Variants in FGF1 observed in about 807,000 individuals in gnomAD.
The protein encoded by FGF1 is beta-endothelial cell growth factor.
Under a neutral mutation model 13.4 loss-of-function variants are expected in FGF1, and 9 were observed. That is an observed-to-expected ratio of 0.67 (90% CI 0.40 to 1.17). The LOEUF (loss-of-function observed/expected upper bound fraction) is 1.17, where lower values mean the gene tolerates loss of function less well. FGF1 is among the 50% of genes most tolerant of loss of function. FGF1 has a pLI of 0.01. For synonymous variants in FGF1, 93 were observed against 79.0 expected (o/e 1.18, Z -0.94); for missense variants, 156 against 192.7 (o/e 0.81, Z 1.13).
chr5:142,628,112 A>G (rs566616179), intron 1 of FGF1, among the ~76,000 whole-genome samples: 9 of 152,310 alleles, frequency 5.9e-5, no homozygotes, highest in Admixed American at 2.0e-4. Context: ...AAGGGAGGAA[A>G]AGGCTTGGAG....
intron 1 of FGF1, among the ~76,000 whole-genome samples, chr5:142,654,493 G>A (rs576501775): frequency 2.0e-4 from 30 of 152,350 alleles, no homozygotes; most frequent in Non-Finnish European, 3.5e-4. Context: ...ATATCAAGCT[G>A]TGGTTATAAA....
chr5:142,639,694 T>C (rs574532477), intron 1 of FGF1, among the ~76,000 whole-genome samples: 18 of 151,884 alleles, frequency 1.2e-4, no homozygotes, highest in South Asian at 4.2e-4. Context: ...TACTTGAAGA[T>C]TGCCAAGAGG....
intron 1 of FGF1, among the ~76,000 whole-genome samples, chr5:142,632,363 G>A (rs1763510934): frequency 6.6e-6 from 1 of 152,156 alleles, no homozygotes; most frequent in Non-Finnish European, 1.5e-5. Flanking sequence ...TCTCTGCAGT[G>A]TTGTTCAAAG....
chr5:142,630,039 G>A (rs1422451699), intron 1 of FGF1, among the ~76,000 whole-genome samples: 5 of 151,760 alleles, frequency 3.3e-5, no homozygotes, highest in Admixed American at 6.6e-5. Context: ...GATTACAGGC[G>A]TCCGCCACCA....
At chr5:142,626,063 T>G (rs1283465572) in intron 1 of FGF1, among the ~76,000 whole-genome samples, 1 of 152,236 alleles carries the variant, frequency 6.6e-6, no homozygotes, top group Non-Finnish European at 1.5e-5. Context: ...CAAATAATAA[T>G]ATAATGACCC....
intron 3 of FGF1, among the ~76,000 whole-genome samples, 178 bp from the exon 4 acceptor site, chr5:142,595,662 A>C (rs1755100352): frequency 6.6e-6 from 1 of 152,232 alleles, no homozygotes; most frequent in African/African-American, 2.4e-5. Flanking sequence ...ATAAGGACTT[A>C]GAACAGCACC....
intron 1 of FGF1, among the ~76,000 whole-genome samples, chr5:142,650,764 T>C (rs1767087925): frequency 6.6e-6 from 1 of 152,076 alleles, no homozygotes; most frequent in Non-Finnish European, 1.5e-5. Context: ...GTAGTATTAA[T>C]TGATAGAAAT....
intron 2 of FGF1, among the ~76,000 whole-genome samples, chr5:142,603,839 G>T (rs1186609497): frequency 6.6e-6 from 1 of 152,064 alleles, no homozygotes; most frequent in African/African-American, 2.4e-5. Flanking sequence ...AAAATGAGGG[G>T]TATTTGCGCT....
At chr5:142,697,580 T>G (rs1346182584) in intron 2 of FGF1, 1 of 152,202 alleles carries the variant, frequency 6.6e-6, no homozygotes, top group African/African-American at 2.4e-5. Context: ...AAGCAGAAAG[T>G]CTGTAGCAAT....
At chr5:142,606,617 A>T (rs10051247) in intron 2 of FGF1, among the ~76,000 whole-genome samples, 2 of 152,136 alleles carry the variant, frequency 1.3e-5, no homozygotes, top group African/African-American at 4.8e-5. Flanking sequence ...GCGAGATTCC[A>T]TCTCAAGAAA....
intron 1 of FGF1, among the ~76,000 whole-genome samples, chr5:142,684,847 C>T (rs1052820021): frequency 6.6e-5 from 10 of 152,194 alleles, no homozygotes; most frequent in African/African-American, 2.4e-4. Flanking sequence ...TCAAGTCCTC[C>T]CACTGGGTCG....
chr5:142,604,953 G>A (rs904089669), intron 2 of FGF1, among the ~76,000 whole-genome samples: 2 of 152,288 alleles, frequency 1.3e-5, no homozygotes, highest in Admixed American at 6.5e-5. Context: ...GATCCCATCT[G>A]TAGCCATGGA....
chr5:142,607,916 T>C (rs1758041113), intron 2 of FGF1, among the ~76,000 whole-genome samples: 1 of 152,226 alleles, frequency 6.6e-6, no homozygotes, highest in Non-Finnish European at 1.5e-5. Context: ...ACCTTTTGTC[T>C]GAGGAACTAA....
At chr5:142,596,643 G>A (rs1755334855) in intron 3 of FGF1, among the ~76,000 whole-genome samples, 1 of 151,988 alleles carries the variant, frequency 6.6e-6, no homozygotes, top group Admixed American at 6.6e-5. Context: ...TACTTAGGAG[G>A]CTGAGGTAGG....
chr5:142,641,659 C>T (rs1352244710), intron 1 of FGF1, among the ~76,000 whole-genome samples: 1 of 151,928 alleles, frequency 6.6e-6, no homozygotes, highest in Non-Finnish European at 1.5e-5. Context: ...ACTTTGTTAT[C>T]TCATGATTTA....
chr5:142,686,770 G>A (rs1055986618), upstream of FGF1, among the ~76,000 whole-genome samples: 1 of 152,160 alleles, frequency 6.6e-6, no homozygotes, highest in Non-Finnish European at 1.5e-5. Context: ...TCCAGGTTGG[G>A]ACTGGCGAGG....
intron 1 of FGF1, among the ~76,000 whole-genome samples, chr5:142,669,386 C>A (rs58514007): frequency 0.075 from 11,352 of 152,238 alleles, 693 homozygotes; most frequent in African/African-American, 0.16. Context: ...GAGCTTCCTT[C>A]TCACGATTAT....
chr5:142,604,354 G>C (rs1463622651), intron 2 of FGF1, among the ~76,000 whole-genome samples: 1 of 152,104 alleles, frequency 6.6e-6, no homozygotes, highest in Non-Finnish European at 1.5e-5. Flanking sequence ...CAATTTCTCA[G>C]CATAATCCTA....
intron 1 of FGF1, among the ~76,000 whole-genome samples, chr5:142,679,503 G>C (rs1006437152): frequency 1.3e-5 from 2 of 152,142 alleles, no homozygotes; most frequent in African/African-American, 4.8e-5. Context: ...TCATGAAGGT[G>C]GGGGCTCTTG....
Sources: allele counts gnomAD v4.1 joint callset (sites outside exome capture counted in the v4.1 genomes callset), GRCh38; gene constraint gnomAD v4.1.1; transcripts MANE v1.5; gene names NCBI Gene and HGNC (gene_info 2026-07-23, HGNC 2026-07-21).